CLTC: variants seen among roughly 807,000 people sequenced by gnomAD.
The protein encoded by CLTC is clathrin heavy chain, also known as clathrin heavy chain 1.
A neutral mutation model predicts 195.8 loss-of-function variants in CLTC; 16 were observed. The observed-to-expected ratio is 0.08, with a 90% CI of 0.06 to 0.12. The LOEUF (loss-of-function observed/expected upper bound fraction) is 0.12, where lower values mean the gene tolerates loss of function less well. CLTC is among the 10% of genes least tolerant of loss of function. The pLI is 1.00. For synonymous variants in CLTC, 667 were observed against 689.4 expected, an observed-to-expected ratio of 0.97 and a Z score of 0.51; for missense variants, 796 against 2,027.0, an observed-to-expected ratio of 0.39 and a Z score of 11.66.
chr17:59,655,065 T>C (rs1453596703), intron 5 of CLTC, among the ~76,000 whole-genome samples: 1 of 152,224 alleles, frequency 6.6e-6, no homozygotes, highest in Non-Finnish European at 1.5e-5. Flanking sequence ...CCTTCAAGAA[T>C]TTTCCTTTGT....
chr17:59,650,306 G>A (rs2032297013), intron 4 of CLTC, among the ~76,000 whole-genome samples: 1 of 152,092 alleles, frequency 6.6e-6, no homozygotes, highest in Admixed American at 6.5e-5. Context: ...CATTCATTCT[G>A]TTTTAGTGTA....
At chr17:59,639,079 C>G (rs1363881516) in intron 1 of CLTC, among the ~76,000 whole-genome samples, 1 of 152,094 alleles carries the variant, frequency 6.6e-6, no homozygotes, top group Non-Finnish European at 1.5e-5. Flanking sequence ...CACTTGCAGA[C>G]CAAAATCGAA....
intron 17 of CLTC, among the ~76,000 whole-genome samples, chr17:59,678,637 A>G (rs1210738094): frequency 6.6e-6 from 1 of 152,204 alleles, no homozygotes; most frequent in Non-Finnish European, 1.5e-5. Flanking sequence ...CAATACACCA[A>G]GCTCATTTTG....
intron 1 of CLTC, among the ~76,000 whole-genome samples, chr17:59,626,720 T>C (rs2031564031): frequency 1.3e-5 from 2 of 152,206 alleles, no homozygotes; most frequent in Non-Finnish European, 2.9e-5. Flanking sequence ...AGTTTACAGC[T>C]CTGGGTGTCT....
chr17:59,669,276 A>G (rs140373465), intron 14 of CLTC, among the ~76,000 whole-genome samples: 10 of 152,334 alleles, frequency 6.6e-5, no homozygotes, highest in Non-Finnish European at 1.2e-4. Flanking sequence ...GCTTTTGAAT[A>G]TTAACATCAG....
Position 59,644,308 on chromosome 17 carries a change from T to A in CLTC, c.75T>A (p.Ile25=). 6.2e-7 allele frequency: 1 copy of A among 1,614,102 alleles called. No homozygotes were observed. The highest frequency in any genetic ancestry group is 8.5e-7 in the Non-Finnish European group (1 of 1,180,012). Residue 25 remains isoleucine, a synonymous_variant, in exon 2 of 32, where the codon ATT becomes ATA. Coordinates refer to ENST00000269122, the MANE Select transcript of CLTC (RefSeq NM_004859.4). ...ACCTGGGTATCAACCCAGCAAACATTGGCTTCAGTACCCTGACTATGGAGT... is the reference window on the plus strand; with the variant it reads ...ACCTGGGTATCAACCCAGCAAACATAGGCTTCAGTACCCTGACTATGGAGT... The part of the protein sequence containing the change: ...LQNLGINPAN[I]GFSTLTMESD...
chr17:59,651,995 C>A (rs1258403987), intron 5 of CLTC, among the ~76,000 whole-genome samples: 3 of 152,176 alleles, frequency 2.0e-5, no homozygotes, highest in Non-Finnish European at 2.9e-5. Context: ...AATCTAAATC[C>A]TTTGTTGTCA....
rs532612658 is a variant in CLTC, at chr17:59,681,184, C to T, written c.3066-111C>T. 1 of 1,434,176 alleles carries T rather than the reference C, an allele frequency of 7.0e-7. No homozygotes were observed. Among genetic ancestry groups the T allele is most frequent in the East Asian group, 2.3e-5 (1 of 43,462 alleles). 88.8% of individuals were successfully genotyped at this position (1,434,176 alleles called of 1,614,324 possible). On this transcript the variant is annotated intron_variant, in intron 19 of 31. Coordinates refer to ENST00000269122, the MANE Select transcript of CLTC (RefSeq NM_004859.4). This position sits in a 1 kb window ranked among gnomAD's most constrained non-coding sequence, Gnocchi z 5.0. ...GAATTCTCACTCTTCTAATATCCTC[C>T]CCCCTACCCTACCTCTTGAGACAAA...
At chr17:59,637,271 G>A (rs1488962426) in intron 1 of CLTC, among the ~76,000 whole-genome samples, 3 of 150,716 alleles carry the variant, frequency 2.0e-5, no homozygotes, top group Admixed American at 1.3e-4. Flanking sequence ...TTGAGACGGA[G>A]TCTTGCTCTG....
intron 6 of CLTC, among the ~76,000 whole-genome samples, chr17:59,659,327 G>A (rs915009418): frequency 2.6e-5 from 4 of 152,052 alleles, no homozygotes; most frequent in Non-Finnish European, 5.9e-5. Flanking sequence ...TCAGCTTTTG[G>A]GGCAAGCCAG....
chr17:59,665,099 C>G (rs1036772144), intron 10 of CLTC, among the ~76,000 whole-genome samples, 190 bp downstream of exon 10: 11 of 152,132 alleles, frequency 7.2e-5, no homozygotes, highest in African/African-American at 2.7e-4. Context: ...GTGGCACATG[C>G]CTGTCGCCCC....
At chr17:59,631,326 T>A (rs1222254273) in intron 1 of CLTC, among the ~76,000 whole-genome samples, 1 of 152,232 alleles carries the variant, frequency 6.6e-6, no homozygotes, top group Non-Finnish European at 1.5e-5. Context: ...AGTGGGAGTG[T>A]CTCATTTGCT....
intron 30 of CLTC, among the ~76,000 whole-genome samples, chr17:59,687,783 GCTCTCC>G (rs2033215703): frequency 6.6e-6 from 1 of 152,138 alleles, no homozygotes; most frequent in Non-Finnish European, 1.5e-5. Flanking sequence ...CCTAAAATTT[GCTCTCC>G]TATTTATCAG....
chr17:59,637,986 T>A (rs1459448550), intron 1 of CLTC, among the ~76,000 whole-genome samples: 1 of 132,542 alleles, frequency 7.5e-6, no homozygotes, highest in African/African-American at 3.3e-5. Context: ...AAAACAAACT[T>A]TAAAAAAAAA....
At chr17:59,636,633 G>A (rs1023675417) in intron 1 of CLTC, among the ~76,000 whole-genome samples, 3 of 152,120 alleles carry the variant, frequency 2.0e-5, no homozygotes, top group African/African-American at 4.8e-5. Flanking sequence ...GATTACAGGT[G>A]TGAACCACCA....
At chr17:59,665,990 G>T in intron 10 of CLTC, 113 bp from the exon 11 acceptor site, 1 of 731,966 alleles carries the variant, frequency 1.4e-6, no homozygotes, top group South Asian at 2.3e-5. Flanking sequence ...TTGTTCTTAA[G>T]TGTTTATATT....
intron 1 of CLTC, among the ~76,000 whole-genome samples, chr17:59,621,342 C>G (rs890365621): frequency 6.6e-6 from 1 of 152,226 alleles, no homozygotes; most frequent in South Asian, 2.1e-4. Context: ...TGCCTCAGCT[C>G]AGTCGTCTGA....
rs781570642 is a variant in CLTC at position 59,676,999 on chromosome 17, C to G, written c.2607C>G (p.Gly869=). Residue 869 remains glycine, a synonymous_variant, in exon 17 of 32, where the codon GGC becomes GGG. Transcript: ENST00000269122. ...GGCTAGAGGCCAGAATTCATGAGGG[C>G]TGTGAGGAGCCTGCTACTCACAATG... ...LPWLEARIHE[G]CEEPATHNAL... The G allele has an allele frequency of 1.5e-5, 25 of 1,613,958 alleles. No individual in the cohort carries two copies. Among genetic ancestry groups the G allele is most frequent in the Non-Finnish European group, 2.1e-5 (25 of 1,180,012 alleles).
chr17:59,638,329 C>T lies in CLTC; in HGVS notation c.43-5947C>T, dbSNP rs183397186. 8.6e-5 allele frequency among the ~76,000 whole-genome samples: 13 copies of T among 152,014 alleles called. No homozygotes were observed. In the East Asian group the frequency reaches 2.5e-3, roughly 29 times the overall value. On this transcript the variant is annotated intron_variant, in intron 1 of 31. Coordinates refer to ENST00000269122, the MANE Select transcript of CLTC (RefSeq NM_004859.4). ...CCAGCTTGGGTGACAGAGCAAGACCCTGTCTCTTAAAAAAAAACAGAAGGC... is the reference window on the plus strand; with the variant it reads ...CCAGCTTGGGTGACAGAGCAAGACCTTGTCTCTTAAAAAAAAACAGAAGGC...
Sources: gnomAD v4.1 joint callset for allele counts (sites outside exome capture counted in the v4.1 genomes callset) on GRCh38, gnomAD v4.1.1 for gene constraint, Gnocchi (gnomAD v3.1) non-coding constraint, MANE v1.5 for transcripts, NCBI Gene and HGNC (gene_info 2026-07-23, HGNC 2026-07-21) for gene names.